USP32: variants seen among roughly 807,000 people sequenced by gnomAD.
USP32 encodes the protein ubiquitin carboxyl-terminal hydrolase 32.
A neutral mutation model predicts 204.8 loss-of-function variants in USP32; 59 were observed. The observed-to-expected ratio is 0.29, with a 90% CI of 0.23 to 0.36. The LOEUF is 0.36. USP32 is among the 10% of genes least tolerant of loss of function. USP32 has a pLI of 1.00. For missense variants in USP32, 1,160 were observed against 1,946.4 expected, an observed-to-expected ratio of 0.60 and a Z score of 7.60; for synonymous variants, 517 against 678.4, an observed-to-expected ratio of 0.76 and a Z score of 3.70.
intron 31 of USP32, among the ~76,000 whole-genome samples, chr17:60,182,402 C>T (rs1199380936): frequency 6.6e-6 from 1 of 152,204 alleles, no homozygotes; most frequent in Non-Finnish European, 1.5e-5. Flanking sequence ...CATGTTATCT[C>T]TCACACCATT....
chr17:60,393,760 C>T (rs752549181), upstream of USP32, among the ~76,000 whole-genome samples: 6 of 152,006 alleles, frequency 3.9e-5, no homozygotes, highest in East Asian at 7.7e-4. Flanking sequence ...TCTCGACTCA[C>T]CGCAACCTCT....
chr17:60,211,827 TAGAA>T (rs1398741619), intron 19 of USP32, among the ~76,000 whole-genome samples, 193 bp downstream of exon 19: 2 of 151,816 alleles, frequency 1.3e-5, no homozygotes, highest in African/African-American at 4.8e-5. Flanking sequence ...ATTGCAGAGT[TAGAA>T]AGAAATTTAG....
intron 1 of USP32, among the ~76,000 whole-genome samples, chr17:60,357,411 C>G (rs943154876): frequency 6.6e-6 from 1 of 151,816 alleles, no homozygotes; most frequent in Non-Finnish European, 1.5e-5. Flanking sequence ...TATGATTGAA[C>G]CCCTGCACTC....
chr17:60,343,155 G>T (rs555088639), intron 2 of USP32, among the ~76,000 whole-genome samples: 2 of 152,196 alleles, frequency 1.3e-5, no homozygotes, highest in East Asian at 3.9e-4. Flanking sequence ...CATAAAGCAG[G>T]TCCTTAGAGA....
intron 5 of USP32, among the ~76,000 whole-genome samples, chr17:60,286,043 A>T (rs895084586): frequency 6.6e-6 from 1 of 151,824 alleles, no homozygotes; most frequent in Non-Finnish European, 1.5e-5. Flanking sequence ...GGCTAAGGCA[A>T]GAGAATCACT....
chr17:60,341,700 TG>T (rs1770412899), intron 2 of USP32, among the ~76,000 whole-genome samples: 1 of 152,238 alleles, frequency 6.6e-6, no homozygotes, highest in Non-Finnish European at 1.5e-5. Flanking sequence ...AATCCGCTAT[TG>T]AAACTTGTGC....
intron 1 of USP32, among the ~76,000 whole-genome samples, chr17:60,407,781 CAAAAAA>C (rs750848462): frequency 1.4e-4 from 5 of 35,946 alleles, no homozygotes; most frequent in Non-Finnish European, 2.7e-4. Flanking sequence ...GCCTCTGTCT[CAAAAAA>C]AAAAAAAAAA....
At chr17:60,315,000 G>A (rs2087938487) in intron 2 of USP32, among the ~76,000 whole-genome samples, 1 of 152,100 alleles carries the variant, frequency 6.6e-6, no homozygotes, top group African/African-American at 2.4e-5. Context: ...ATTTTAAACA[G>A]GGCAAATGAC....
chr17:60,417,072 C>T (rs1054398004), intron 1 of USP32, among the ~76,000 whole-genome samples: 3 of 151,834 alleles, frequency 2.0e-5, no homozygotes, highest in East Asian at 3.9e-4. Context: ...TATGCACCAC[C>T]ACACCCAGTT....
intron 2 of USP32, among the ~76,000 whole-genome samples, chr17:60,337,173 T>C (rs2145981314): frequency 6.6e-6 from 1 of 152,212 alleles, no homozygotes; most frequent in East Asian, 1.9e-4. Flanking sequence ...CTGGTAAATA[T>C]GCAGGCCCCC....
chr17:60,376,883 G>A (rs578137142), intron 1 of USP32, among the ~76,000 whole-genome samples: 1 of 152,226 alleles, frequency 6.6e-6, no homozygotes, highest in Non-Finnish European at 1.5e-5. Context: ...TTGGATAAAA[G>A]TTTTCTTCTA....
chr17:60,415,086 C>A (rs1401599953), intron 1 of USP32, among the ~76,000 whole-genome samples: 1 of 152,132 alleles, frequency 6.6e-6, no homozygotes. Context: ...TATTTTCATG[C>A]TTGGGGAGGG....
At chr17:60,199,051 G>A (rs1316785115) in intron 26 of USP32, among the ~76,000 whole-genome samples, 1 of 151,994 alleles carries the variant, frequency 6.6e-6, no homozygotes, top group Non-Finnish European at 1.5e-5. Flanking sequence ...GGCAAGTTGA[G>A]GGTACAGTGA....
intron 2 of USP32, among the ~76,000 whole-genome samples, chr17:60,332,966 T>G (rs1341092224): frequency 1.3e-5 from 2 of 152,178 alleles, no homozygotes; most frequent in African/African-American, 4.8e-5. Context: ...CTATGTATAG[T>G]ACACAGAACT....
intron 12 of USP32, among the ~76,000 whole-genome samples, chr17:60,229,948 G>A (rs1299519484): frequency 1.3e-5 from 2 of 152,058 alleles, no homozygotes; most frequent in African/African-American, 4.8e-5. Context: ...GGAGTAGCTG[G>A]GATTACAGGC....
At position 60,183,272 on chromosome 17, in the gene USP32, G is replaced by C. The variant is rs1411360555; in HGVS notation, c.4016C>G (p.Ala1339Gly). Residue 1339 changes from alanine to glycine, a missense_variant, in exon 31 of 34, where the codon GCA becomes GGA. This residue lies in a region of USP32 where 244 missense variants were observed against 342.3 expected (regional missense o/e 0.71). Transcript: ENST00000300896. ...GDELSEPRIL[A>G]REVKKVDAQS... ...CGCATCCACTTTCTTCACCTCCCTT[G>C]CCAGAATCCTGGGCTCAGAGAGCTC... 6.2e-7 allele frequency: 1 copy of C among 1,613,846 alleles called. No homozygotes were observed. Among genetic ancestry groups the C allele is most frequent in the Non-Finnish European group, 8.5e-7 (1 of 1,179,866 alleles).
intron 22 of USP32, among the ~76,000 whole-genome samples, 154 bp from the exon 23 acceptor site, chr17:60,208,982 A>AATCCT (rs1282752869): frequency 6.6e-6 from 1 of 152,132 alleles, no homozygotes; most frequent in African/African-American, 2.4e-5. Flanking sequence ...TGAGATGGAA[A>AATCCT]ATCCTATTTT....
At chr17:60,248,133 G>A (rs2086081743) in intron 11 of USP32, among the ~76,000 whole-genome samples, 2 of 152,120 alleles carry the variant, frequency 1.3e-5, no homozygotes, top group Middle Eastern at 3.2e-3. Flanking sequence ...AGTTCTGCTA[G>A]ATAAAGAATT....
At chr17:60,213,047 C>G (rs1470684121) in intron 18 of USP32, among the ~76,000 whole-genome samples, 2 of 152,182 alleles carry the variant, frequency 1.3e-5, no homozygotes, top group Admixed American at 1.3e-4. Flanking sequence ...GCCACTGCGC[C>G]CGGCCTATTC....
Sources: allele counts gnomAD v4.1 joint callset (sites outside exome capture counted in the v4.1 genomes callset), GRCh38; gene constraint gnomAD v4.1.1; regional missense constraint gnomAD v4.1.1; transcripts MANE v1.5; gene names NCBI Gene and HGNC (gene_info 2026-07-23, HGNC 2026-07-21).